Variants in CDH19 observed in about 807,000 individuals in gnomAD.
CDH19 encodes the protein cadherin 19.
A neutral mutation model predicts 64.2 loss-of-function variants in CDH19; 67 were observed. The ratio of observed to expected loss-of-function variants is 1.04; its 90% CI spans 0.86 to 1.28. The LOEUF is 1.28. Ranked by LOEUF, CDH19 falls within the 50% of genes most tolerant of loss-of-function variation. The probability of loss-of-function intolerance (pLI) is 0.00; values close to 1 mark genes in which losing one functional copy is unlikely to be tolerated. For missense variants in CDH19, 1,030 were observed against 929.0 expected (o/e 1.11, Z -1.41); for synonymous variants, 346 against 319.3 (o/e 1.08, Z -0.89).
intron 7 of CDH19, among the ~76,000 whole-genome samples, chr18:66,536,935 C>A (rs1318055863): frequency 6.6e-6 from 1 of 151,766 alleles, no homozygotes; most frequent in African/African-American, 2.4e-5. Flanking sequence ...TATGTACCAT[C>A]ATGACCTCAG....
At chr18:66,559,425 T>C (rs2144540445) in intron 3 of CDH19, among the ~76,000 whole-genome samples, 1 of 151,996 alleles carries the variant, frequency 6.6e-6, no homozygotes, top group East Asian at 1.9e-4. Flanking sequence ...CTGTCACTAT[T>C]ATTTTTTTCG....
chr18:66,599,018 T>A (rs1327830532), intron 1 of CDH19, among the ~76,000 whole-genome samples: 1 of 152,162 alleles, frequency 6.6e-6, no homozygotes, highest in Admixed American at 6.5e-5. Context: ...TAAAATTGAA[T>A]GTTTAGCCTC....
chr18:66,565,770 T>C (rs1987886117), intron 3 of CDH19, among the ~76,000 whole-genome samples: 1 of 151,916 alleles, frequency 6.6e-6, no homozygotes, highest in Non-Finnish European at 1.5e-5. Flanking sequence ...TATTCCCCTA[T>C]TTCCATATTA....
chr18:66,593,269 G>A (rs989176419), intron 1 of CDH19, among the ~76,000 whole-genome samples: 1 of 151,788 alleles, frequency 6.6e-6, no homozygotes, highest in Non-Finnish European at 1.5e-5. Flanking sequence ...AACCAATAAT[G>A]TTTCTGGAGT....
chr18:66,510,529 C>T (rs1309484447), intron 10 of CDH19, among the ~76,000 whole-genome samples: 1 of 145,818 alleles, frequency 6.9e-6, no homozygotes, highest in Non-Finnish European at 1.5e-5. Context: ...TAATTTTTAA[C>T]TTAGAGTATA....
At chr18:66,527,599 A>T (rs1371785689) in intron 9 of CDH19, among the ~76,000 whole-genome samples, 1 of 152,014 alleles carries the variant, frequency 6.6e-6, no homozygotes, top group East Asian at 1.9e-4. Flanking sequence ...ATACAAAAAA[A>T]TTTAGCCGGG....
intron 5 of CDH19, among the ~76,000 whole-genome samples, chr18:66,547,429 A>G (rs1156261877): frequency 6.6e-6 from 1 of 152,088 alleles, no homozygotes; most frequent in Non-Finnish European, 1.5e-5. Flanking sequence ...GAGGCTATCA[A>G]TTCAGGCTGG....
rs976752984 is a variant in CDH19 at position 66,600,927 on chromosome 18, T to C, written c.-113+3027A>G. On this transcript the variant is annotated intron_variant, in intron 1 of 11. Coordinates refer to ENST00000262150, the MANE Select transcript of CDH19 (RefSeq NM_021153.4). ...GTTATTTAGAAGAAGGGGAATTATA[T>C]CCACCTGACGAGTGACATTATAGCC... Among the ~76,000 whole-genome samples, 4 of 151,848 alleles carry C rather than the reference T, an allele frequency of 2.6e-5. No homozygotes were observed. In the East Asian group the frequency reaches 5.8e-4, roughly 22 times the overall value.
At chr18:66,510,817 G>A (rs1177385598) in intron 10 of CDH19, among the ~76,000 whole-genome samples, 1 of 151,312 alleles carries the variant, frequency 6.6e-6, no homozygotes, top group East Asian at 1.9e-4. Context: ...TCGTATGAAA[G>A]GCCTCTTCTG....
chr18:66,570,995 T>G (rs1203475002), intron 2 of CDH19, among the ~76,000 whole-genome samples: 1 of 151,692 alleles, frequency 6.6e-6, no homozygotes, highest in Non-Finnish European at 1.5e-5. Context: ...GGCACCTAAC[T>G]GTGGACCTTC....
intron 1 of CDH19, among the ~76,000 whole-genome samples, chr18:66,593,105 G>T (rs1329328276): frequency 6.6e-6 from 1 of 151,718 alleles, no homozygotes; most frequent in Non-Finnish European, 1.5e-5. Context: ...TAACTGGGGT[G>T]AAATAATATC....
In CDH19 at chr18:66,582,863, C is replaced by A. The variant is rs559232299; in HGVS notation, c.-112-10547G>T. 3.6e-4 allele frequency among the ~76,000 whole-genome samples: 55 copies of A among 152,108 alleles called. 1 individual carries two copies. The South Asian group carries it at 0.011, about 30-fold the overall frequency. The stretch of plus-strand genomic sequence containing the variant: ...TGGTAGAGGACTGTGGATTAATGAG[C>A]AGCATATGTGAAGTGGTAAGCACTG... On this transcript the variant is annotated intron_variant, in intron 1 of 11. Coordinates refer to ENST00000262150, the MANE Select transcript of CDH19 (RefSeq NM_021153.4).
At chr18:66,562,212 G>T (rs760105598) in intron 3 of CDH19, among the ~76,000 whole-genome samples, 7 of 151,584 alleles carry the variant, frequency 4.6e-5, no homozygotes, top group Non-Finnish European at 1.0e-4. Context: ...TTACTACATT[G>T]TAATATATAA....
At chr18:66,575,331 A>G (rs1394870522) in intron 1 of CDH19, among the ~76,000 whole-genome samples, 2 of 151,862 alleles carry the variant, frequency 1.3e-5, no homozygotes, top group African/African-American at 4.8e-5. Context: ...AGGAGACCTC[A>G]TCAGAAATGC....
At position 66,588,605 on chromosome 18, in the gene CDH19, C is replaced by CATATAT. The variant is rs1263242803; in HGVS notation, c.-113+15343_-113+15348dup. Reference sequence around the variant, plus strand: ...AATGATCTTACTCATTTTTACTAATCATATATATCTATATCTATATCTATA... The same window carrying CATATAT: ...AATGATCTTACTCATTTTTACTAATCATATATATATATATCTATATCTATATCTATA... On this transcript the variant is annotated intron_variant, in intron 1 of 11. Coordinates refer to ENST00000262150, the MANE Select transcript of CDH19 (RefSeq NM_021153.4). Among the ~76,000 whole-genome samples, 191 of 116,648 alleles carry CATATAT rather than the reference C, an allele frequency of 1.6e-3. 13 individuals are homozygous for CATATAT. Among genetic ancestry groups the CATATAT allele is most frequent in the Non-Finnish European group, 2.5e-3 (121 of 48,642 alleles). The allele number at this position is 116,648 out of a possible 152,430, so 76.5% of individuals were successfully genotyped here.
chr18:66,574,513 G>A (rs1340909558), intron 1 of CDH19, among the ~76,000 whole-genome samples: 1 of 151,228 alleles, frequency 6.6e-6, no homozygotes, highest in Non-Finnish European at 1.5e-5. Context: ...AAAAAAAACA[G>A]TTAAACTGAA....
chr18:66,538,592 C>T (rs770146481), intron 7 of CDH19, among the ~76,000 whole-genome samples: 2 of 151,740 alleles, frequency 1.3e-5, no homozygotes, highest in Non-Finnish European at 2.9e-5. Flanking sequence ...GCCATAAATG[C>T]TTGCATACAG....
At position 66,503,294 on chromosome 18, in the gene CDH19, CCTT is replaced by C. The variant is rs1985026265; in HGVS notation, c.*1515_*1517del. ...ATGCCCAACAGCTTAGCATTGATTTCCTTCTTAAGGCTACAATAAATGTATCTA... is the reference window on the plus strand; with the variant it reads ...ATGCCCAACAGCTTAGCATTGATTTCCTTAAGGCTACAATAAATGTATCTA... On this transcript the variant is annotated 3_prime_UTR_variant, in exon 12 of 12. Transcript: ENST00000262150. 1 of 151,722 alleles carries C rather than the reference CCTT, an allele frequency of 6.6e-6. No homozygotes were observed. Among genetic ancestry groups the C allele is most frequent in the Non-Finnish European group, 1.5e-5 (1 of 67,794 alleles). The allele number at this position is 151,722 out of a possible 1,614,324, so 9.4% of individuals were successfully genotyped here. A position where few individuals can be genotyped will look rare whatever the true frequency, so the allele number is the denominator to read the frequency against.
At chr18:66,546,069 C>T (rs1019930019) in intron 5 of CDH19, among the ~76,000 whole-genome samples, 7 of 151,700 alleles carry the variant, frequency 4.6e-5, no homozygotes, top group Admixed American at 1.3e-4. Context: ...TCATGTCAAG[C>T]GGCATCAGCA....
Sources: allele counts gnomAD v4.1 joint callset (sites outside exome capture counted in the v4.1 genomes callset), GRCh38; gene constraint gnomAD v4.1.1; transcripts MANE v1.5; gene names NCBI Gene and HGNC (gene_info 2026-07-23, HGNC 2026-07-21).